Variants in UNC79 observed in about 807,000 individuals in gnomAD.
UNC79 encodes protein unc-79 homolog.
Under a neutral mutation model 283.1 loss-of-function variants are expected in UNC79, and 37 were observed. The ratio of observed to expected loss-of-function variants is 0.13; its 90% CI spans 0.10 to 0.17. UNC79 has a LOEUF of 0.17. UNC79 is among the 10% of genes least tolerant of loss of function. UNC79 has a pLI of 1.00. For missense variants in UNC79, 2,272 were observed against 3,211.1 expected, an observed-to-expected ratio of 0.71 and a Z score of 7.07; for synonymous variants, 1,107 against 1,200.2, an observed-to-expected ratio of 0.92 and a Z score of 1.61.
chr14:93,577,522 T>C (rs1463733536), intron 17 of UNC79, among the ~76,000 whole-genome samples: 1 of 152,064 alleles, frequency 6.6e-6, no homozygotes, highest in Non-Finnish European at 1.5e-5. Flanking sequence ...AAGTTCTCAT[T>C]TTTCGGGGTA....
chr14:93,423,062 CAAAAAAAAAAAAAAAAAAA>C (rs71129634), intron 1 of UNC79, among the ~76,000 whole-genome samples: 1 of 77,292 alleles, frequency 1.3e-5, no homozygotes, highest in African/African-American at 5.5e-5. Flanking sequence ...GACTCTGTCT[CAAAAAAAAAAAAAAAAAAA>C]AAAAAAAAAA....
Position 93,396,170 on chromosome 14 carries a change from G to A in UNC79, c.-351+62647G>A, listed in dbSNP as rs534622277. On this transcript the variant is annotated intron_variant, in intron 1 of 49. Transcript: ENST00000256339. ...TTTCTGTCTGCTGAAATCTTCTGTT[G>A]AGATTGTCTTGTGGATTTTTCCTTT... 1.1e-4 allele frequency among the ~76,000 whole-genome samples: 16 copies of A among 150,162 alleles called. 1 individual carries two copies. Among genetic ancestry groups the A allele is most frequent in the Admixed American group, 6.6e-4 (10 of 15,082 alleles).
intron 1 of UNC79, among the ~76,000 whole-genome samples, chr14:93,447,651 A>C (rs900862932): frequency 2.0e-5 from 3 of 151,806 alleles, no homozygotes; most frequent in African/African-American, 7.3e-5. Flanking sequence ...TTTCCTTCGC[A>C]TATTTTGTAG....
At chr14:93,600,130 G>A (rs2065393136) in intron 24 of UNC79, among the ~76,000 whole-genome samples, 2 of 152,138 alleles carry the variant, frequency 1.3e-5, no homozygotes, top group Admixed American at 1.3e-4. Flanking sequence ...AACCCGGGAG[G>A]CGGAGGTTGC....
At chr14:93,572,944 A>G (rs945289432) in intron 16 of UNC79, 128 bp downstream of exon 16, 1 of 1,207,258 alleles carries the variant, frequency 8.3e-7, no homozygotes, top group Non-Finnish European at 1.1e-6. Context: ...AAGAAAGTGT[A>G]TCTCCTATGC....
intron 47 of UNC79, among the ~76,000 whole-genome samples, chr14:93,695,459 G>T (rs183056427): frequency 2.0e-5 from 3 of 152,322 alleles, no homozygotes; most frequent in African/African-American, 7.2e-5. Context: ...AATAGCAAAA[G>T]TCAACACTGT....
chr14:93,340,090 T>C (rs78016306), intron 1 of UNC79, among the ~76,000 whole-genome samples: 11,205 of 152,276 alleles, frequency 0.074, 872 homozygotes, highest in African/African-American at 0.19. Flanking sequence ...ATGACAGCTA[T>C]AGAAACACCT....
rs1363034720 is a variant in UNC79 at position 93,359,532 on chromosome 14, G to C, written c.-351+26009G>C. On this transcript the variant is annotated intron_variant, in intron 1 of 49. Transcript: ENST00000256339. Reference sequence around the variant, plus strand: ...CAAGTGGCAGCACTCAACAATCAAAGGCAAGGTCAGCATAGCTACCATAAT... The same window carrying C: ...CAAGTGGCAGCACTCAACAATCAAACGCAAGGTCAGCATAGCTACCATAAT... Among the ~76,000 whole-genome samples the C allele has an allele frequency of 3.9e-5, 6 of 152,320 alleles. No individual in the cohort carries two copies. The East Asian group carries it at 1.2e-3, about 29-fold the overall frequency.
At chr14:93,707,105 C>G (rs555685107), downstream of UNC79, 1 of 509,866 alleles carries the variant, frequency 2.0e-6, no homozygotes, top group East Asian at 3.0e-5. Flanking sequence ...CTTGGGCTAT[C>G]TGATTAAGTG....
chr14:93,357,696 T>TGG (rs1697289960), intron 1 of UNC79, among the ~76,000 whole-genome samples: 9 of 116,920 alleles, frequency 7.7e-5, no homozygotes, highest in African/African-American at 2.0e-4. Flanking sequence ...TATATATATA[T>TGG]ATATATATAT....
At chr14:93,433,763 A>G (rs1016688125) in intron 1 of UNC79, among the ~76,000 whole-genome samples, 4 of 152,238 alleles carry the variant, frequency 2.6e-5, no homozygotes, top group African/African-American at 9.6e-5. Flanking sequence ...ACAAGTAGAC[A>G]TAGTTTTGTT....
exon 29 of UNC79, chr14:93,618,320 C>T (rs2066882181): frequency 1.9e-6 from 3 of 1,613,594 alleles, no homozygotes; most frequent in African/African-American, 2.7e-5. Flanking sequence ...ACAGTGACAA[C>T]AGTAACATAA....
intron 1 of UNC79, among the ~76,000 whole-genome samples, chr14:93,404,511 T>TATATATATATATATATATAA (rs1342806157): frequency 3.3e-4 from 39 of 117,176 alleles, no homozygotes; most frequent in South Asian, 7.8e-4. Flanking sequence ...TATATATATA[T>TATATATATATATATATATAA]ATAAATATAT....
At chr14:93,611,720 C>T (rs1304415823) in intron 26 of UNC79, among the ~76,000 whole-genome samples, 1 of 151,988 alleles carries the variant, frequency 6.6e-6, no homozygotes, top group East Asian at 1.9e-4. Flanking sequence ...TGGTTTGTAA[C>T]CAAAGCTTGT....
intron 1 of UNC79, among the ~76,000 whole-genome samples, chr14:93,446,394 G>GTT (rs35270146): frequency 0.022 from 3,145 of 142,302 alleles, 100 homozygotes; most frequent in African/African-American, 0.066. Context: ...CATGTGTGTG[G>GTT]TTTTTTTTTT....
intron 3 of UNC79, among the ~76,000 whole-genome samples, chr14:93,475,282 A>G (rs2057736038): frequency 6.6e-6 from 1 of 152,206 alleles, no homozygotes; most frequent in African/African-American, 2.4e-5. Flanking sequence ...TGATAACCAA[A>G]GTTTCACTGT....
chr14:93,489,856 G>T (rs994745478), intron 5 of UNC79, among the ~76,000 whole-genome samples: 1 of 152,188 alleles, frequency 6.6e-6, no homozygotes, highest in Admixed American at 6.5e-5. Context: ...CCCCACAGTG[G>T]TTCCCTTCCT....
exon 41 of UNC79, chr14:93,673,365 C>G (rs1281013831): frequency 1.2e-6 from 2 of 1,612,028 alleles, no homozygotes; most frequent in South Asian, 2.2e-5. Context: ...GAGATAAATT[C>G]TACTTGTCTC....
chr14:93,451,781 A>G (rs1348195017), intron 1 of UNC79, among the ~76,000 whole-genome samples: 2 of 152,190 alleles, frequency 1.3e-5, no homozygotes, highest in African/African-American at 4.8e-5. Context: ...CCTGAAATGC[A>G]CACTAGTTGG....
Sources: gnomAD v4.1 joint callset for allele counts (sites outside exome capture counted in the v4.1 genomes callset) on GRCh38, gnomAD v4.1.1 for gene constraint, MANE v1.5 for transcripts, NCBI Gene and HGNC (gene_info 2026-07-23, HGNC 2026-07-21) for gene names.